Variants in SLC6A2 observed in about 807,000 individuals in gnomAD.
SLC6A2 encodes the protein solute carrier family 6 member 2, also known as sodium-dependent noradrenaline transporter.
A neutral mutation model predicts 71.7 loss-of-function variants in SLC6A2; 26 were observed. The observed-to-expected ratio is 0.36, with a 90% CI of 0.27 to 0.50. The LOEUF is 0.50. Ranked by LOEUF, SLC6A2 falls within the 20% of genes least tolerant of loss-of-function variation. SLC6A2 has a pLI of 0.96. For missense variants in SLC6A2, 581 were observed against 803.9 expected (o/e 0.72, Z 3.35); for synonymous variants, 363 against 337.9 (o/e 1.07, Z -0.82).
At chr16:55,687,870 C>T (rs535945998) in intron 5 of SLC6A2, among the ~76,000 whole-genome samples, 1 of 152,292 alleles carries the variant, frequency 6.6e-6, no homozygotes, top group Admixed American at 6.5e-5. Context: ...TAAGGCTGAG[C>T]ATGCTCAGTT....
chr16:55,679,232 C>CT (rs761114218), intron 4 of SLC6A2, among the ~76,000 whole-genome samples: 11,855 of 144,602 alleles, frequency 0.082, 1,103 homozygotes, highest in African/African-American at 0.23. Context: ...TTTTCTTTTT[C>CT]TTTTTTTTTT....
chr16:55,696,061 C>A (rs1965787936), intron 8 of SLC6A2, among the ~76,000 whole-genome samples, 164 bp from the exon 9 acceptor site: 1 of 152,190 alleles, frequency 6.6e-6, no homozygotes, highest in Non-Finnish European at 1.5e-5. Context: ...CTCTCCGATG[C>A]ACAGGTGAGC....
intron 5 of SLC6A2, among the ~76,000 whole-genome samples, chr16:55,688,120 G>A (rs1965512629): frequency 6.6e-6 from 1 of 152,214 alleles, no homozygotes; most frequent in Non-Finnish European, 1.5e-5. Context: ...GGACATTACT[G>A]TGCTCTGTCT....
Position 55,685,208 on chromosome 16 carries a change from T to TCTTG in SLC6A2, c.713_716dup (p.Cys240AlafsTer13), listed in dbSNP as rs780552463. 6.2e-7 allele frequency: 1 copy of TCTTG among 1,614,006 alleles called. No homozygotes were observed. The highest frequency in any genetic ancestry group is 8.5e-7 in the Non-Finnish European group (1 of 1,179,976). ...GACATCGGCCTGCCCCAGTGGCAGC[T>TCTTG]CTTGCTCTGTCTGATGGTCGTCGTC... On this transcript the variant is annotated frameshift_variant, in exon 5 of 15. Transcript: ENST00000568943. LOFTEE classifies it high-confidence loss of function.
intron 5 of SLC6A2, among the ~76,000 whole-genome samples, chr16:55,687,173 T>C (rs1351451262): frequency 2.6e-5 from 4 of 152,308 alleles, no homozygotes; most frequent in South Asian, 4.1e-4. Context: ...ATGTGCACTA[T>C]TATATATCTT....
At chr16:55,671,180 A>G (rs1249009630) in intron 3 of SLC6A2, among the ~76,000 whole-genome samples, 1 of 152,126 alleles carries the variant, frequency 6.6e-6, no homozygotes, top group South Asian at 2.1e-4. Flanking sequence ...GCAACTGGGG[A>G]TAGGGAAGGG....
intron 4 of SLC6A2, 72 bp from the exon 5 acceptor site, chr16:55,685,071 G>C (rs1311570332): frequency 2.7e-6 from 4 of 1,477,270 alleles, no homozygotes; most frequent in Admixed American, 1.7e-5. Flanking sequence ...GCAGGGACTG[G>C]TCTGTGGTCA....
intron 3 of SLC6A2, among the ~76,000 whole-genome samples, chr16:55,670,992 G>A (rs1305884783): frequency 6.6e-6 from 1 of 152,232 alleles, no homozygotes; most frequent in East Asian, 1.9e-4. Context: ...AAAGGAGCTT[G>A]TGATACATTG....
intron 4 of SLC6A2, among the ~76,000 whole-genome samples, chr16:55,683,797 G>C (rs1163288939): frequency 6.6e-6 from 1 of 152,154 alleles, no homozygotes; most frequent in East Asian, 1.9e-4. Flanking sequence ...TGAATGTCCT[G>C]AAGTCCTCAT....
chr16:55,683,633 C>G (rs1009763991), intron 4 of SLC6A2, among the ~76,000 whole-genome samples: 20 of 144,998 alleles, frequency 1.4e-4, no homozygotes, highest in Non-Finnish European at 2.3e-4. Flanking sequence ...AACAAACAAA[C>G]AAACGAAACA....
At position 55,698,562 on chromosome 16, in the gene SLC6A2, T is replaced by G; in HGVS notation, c.1483T>G (p.Phe495Val). Residue 495 changes from phenylalanine to valine, a missense_variant, in exon 11 of 15, where the codon TTT becomes GTT. Phe to Val is a conservative substitution (Grantham distance 50). Around this residue, in one of 5 missense-constraint regions of SLC6A2, gnomAD observed 334 missense variants for 449.0 expected, o/e 0.74. Transcript: ENST00000568943. ...VLMEAIGVSWFYGVDRFSNDI... is the reference protein window; with the variant it reads ...VLMEAIGVSWVYGVDRFSNDI... ...CATGGAAGCCATCGGAGTTTCCTGG[T>G]TTTATGGTATGTGAGTGTGTGGAAA... 1.2e-6 allele frequency: 2 copies of G among 1,609,554 alleles called. No individual in the cohort carries two copies. Among genetic ancestry groups the G allele is most frequent in the Non-Finnish European group, 1.7e-6 (2 of 1,175,776 alleles).
At chr16:55,700,030 T>C in intron 12 of SLC6A2, 109 bp from the exon 13 acceptor site, 1 of 880,320 alleles carries the variant, frequency 1.1e-6, no homozygotes, top group Non-Finnish European at 1.9e-6. Context: ...GCTGTGATGC[T>C]CACTTCTCTT....
intron 8 of SLC6A2, among the ~76,000 whole-genome samples, 168 bp from the exon 9 acceptor site, chr16:55,696,057 G>A (rs1965787757): frequency 1.3e-5 from 2 of 152,144 alleles, no homozygotes; most frequent in South Asian, 2.1e-4. Flanking sequence ...CAACCTCTCC[G>A]ATGCACAGGT....
chr16:55,671,682 T>G, intron 3 of SLC6A2: 1 of 665,294 alleles, frequency 1.5e-6, no homozygotes, highest in Non-Finnish European at 2.5e-6. Flanking sequence ...GGTTGTGTGC[T>G]CCTTATGAGA....
chr16:55,656,109 G>C lies in SLC6A2; in HGVS notation c.-112G>C, dbSNP rs1964439214. 1 of 153,838 alleles carries C rather than the reference G, an allele frequency of 6.5e-6. No individual in the cohort carries two copies. The highest frequency in any genetic ancestry group is 1.4e-5 in the Non-Finnish European group (1 of 69,392). The allele number at this position is 153,838 out of a possible 1,614,324, so 9.5% of individuals were successfully genotyped here. A position where few individuals can be genotyped will look rare whatever the true frequency, so the allele number is the denominator to read the frequency against. The stretch of plus-strand genomic sequence containing the variant: ...AGCCCGCGCCCTAGAGCCTGCCAAG[G>C]CGCCGCCGGTCGGGGGCCGGCAGGG... On this transcript the variant is annotated 5_prime_UTR_variant, in exon 1 of 15. Coordinates refer to ENST00000568943, the MANE Select transcript of SLC6A2 (RefSeq NM_001172501.3). This position sits in a 1 kb window ranked among gnomAD's most constrained non-coding sequence, Gnocchi z 4.5.
chr16:55,695,901 G>A (rs1214560866), intron 8 of SLC6A2, among the ~76,000 whole-genome samples: 3 of 152,146 alleles, frequency 2.0e-5, no homozygotes, highest in Admixed American at 2.0e-4. Context: ...GAGACCTGGG[G>A]AAGGGCTACC....
chr16:55,694,164 C>T (rs747105131), intron 7 of SLC6A2, 51 bp downstream of exon 7: 3 of 1,313,712 alleles, frequency 2.3e-6, no homozygotes, highest in Non-Finnish European at 3.3e-6. Context: ...GGGATTGACT[C>T]TTGTTGGGTG....
chr16:55,656,641 C>G lies in SLC6A2; in HGVS notation c.-51-3C>G. 6.2e-7 allele frequency: 1 copy of G among 1,607,634 alleles called. No homozygotes were observed. Among genetic ancestry groups the G allele is most frequent in the East Asian group, 2.2e-5 (1 of 44,796 alleles). On this transcript the variant is annotated splice_polypyrimidine_tract_variant and splice_region_variant and intron_variant, in intron 1 of 14. Coordinates refer to ENST00000568943, the MANE Select transcript of SLC6A2 (RefSeq NM_001172501.3). The surrounding 1 kb of genome is among the most constrained non-coding windows in gnomAD (Gnocchi z 4.5). The stretch of plus-strand genomic sequence containing the variant: ...ACCACCTCTTTTCCCTTTATCCAAG[C>G]AGAGCCTCGGCGTGCCCCCAGGACC...
chr16:55,700,049 T>TCC, intron 12 of SLC6A2, 90 bp from the exon 13 acceptor site: 1 of 1,095,400 alleles, frequency 9.1e-7, no homozygotes, highest in African/African-American at 1.5e-5. Context: ...TTCATTTCTC[T>TCC]CCCACCTTTC....
Sources: gnomAD v4.1 joint callset for allele counts (sites outside exome capture counted in the v4.1 genomes callset) on GRCh38, gnomAD v4.1.1 for gene constraint, gnomAD v4.1.1 regional missense constraint, Gnocchi (gnomAD v3.1) non-coding constraint, MANE v1.5 for transcripts, NCBI Gene and HGNC (gene_info 2026-07-23, HGNC 2026-07-21) for gene names.